The following MAF variants were observed in gnomAD, a reference collection of about 807,000 sequenced individuals.
The protein encoded by MAF is MAF bZIP transcription factor, also known as transcription factor Maf.
MAF carries 10 observed loss-of-function variants against 22.0 expected under a neutral mutation model. The ratio of observed to expected loss-of-function variants is 0.45; its 90% CI spans 0.28 to 0.77. The LOEUF is 0.77. MAF is among the 30% of genes least tolerant of loss of function. The pLI, the probability that MAF is intolerant of heterozygous loss-of-function variation, is 0.12. For synonymous variants in MAF, 337 were observed against 255.8 expected (o/e 1.32, Z -3.03); for missense variants, 544 against 548.4 (o/e 0.99, Z 0.08).
chr16:79,305,369 C>T, the MAF span, among the ~76,000 whole-genome samples: 2 of 152,204 alleles, frequency 1.3e-5, no homozygotes, highest in South Asian at 4.1e-4. Flanking sequence ...TGCTCCAGTC[C>T]CAACCTACTT....
the MAF span, among the ~76,000 whole-genome samples, chr16:79,370,770 T>C: frequency 6.6e-6 from 1 of 152,184 alleles, no homozygotes; most frequent in Non-Finnish European, 1.5e-5. Flanking sequence ...CCTACATAAC[T>C]GAAATAAACT....
At chr16:79,202,743 G>C in the MAF span, 2 of 152,238 alleles carry the variant, frequency 1.3e-5, no homozygotes, top group East Asian at 1.9e-4. Context: ...AAATTGCCTA[G>C]AATAGCAGCA....
chr16:79,259,908 A>C, the MAF span, among the ~76,000 whole-genome samples: 1 of 152,096 alleles, frequency 6.6e-6, no homozygotes, highest in African/African-American at 2.4e-5. Context: ...TGGAAAACCA[A>C]AGGTGATGTG....
the MAF span, among the ~76,000 whole-genome samples, chr16:79,472,699 G>A: frequency 5.3e-5 from 8 of 152,136 alleles, no homozygotes; most frequent in African/African-American, 1.7e-4. Flanking sequence ...AGAGTAGGGC[G>A]ATGGTTGTAC....
chr16:79,327,943 GC>G, the MAF span, among the ~76,000 whole-genome samples: 1 of 152,178 alleles, frequency 6.6e-6, no homozygotes, highest in African/African-American at 2.4e-5. Context: ...AGACTTACGT[GC>G]AAACCTTAGC....
chr16:79,484,104 A>G, the MAF span, among the ~76,000 whole-genome samples: 1 of 152,176 alleles, frequency 6.6e-6, no homozygotes, highest in East Asian at 1.9e-4. Flanking sequence ...ATGGCACAGC[A>G]CCCCTTGATG....
At chr16:79,250,485 T>G in the MAF span, among the ~76,000 whole-genome samples, 4 of 152,260 alleles carry the variant, frequency 2.6e-5, no homozygotes, top group Non-Finnish European at 4.4e-5. Context: ...AAATAAACTC[T>G]ATGGTTGCTC....
At chr16:79,396,733 C>A in the MAF span, among the ~76,000 whole-genome samples, 1 of 152,246 alleles carries the variant, frequency 6.6e-6, no homozygotes, top group Non-Finnish European at 1.5e-5. Flanking sequence ...TTCAAACACA[C>A]TGATGCCTGC....
chr16:79,393,058 A>G, the MAF span, among the ~76,000 whole-genome samples: 1 of 152,188 alleles, frequency 6.6e-6, no homozygotes, highest in Non-Finnish European at 1.5e-5. Flanking sequence ...TCTGGGCCCC[A>G]GGGGTAAAAC....
the MAF span, among the ~76,000 whole-genome samples, chr16:79,579,980 GT>G: frequency 3.3e-5 from 5 of 151,920 alleles, no homozygotes; most frequent in Admixed American, 1.3e-4. Context: ...GCGATGGCAT[GT>G]TTTTTTTATT....
the MAF span, among the ~76,000 whole-genome samples, chr16:79,272,870 A>G: frequency 1.3e-5 from 2 of 152,050 alleles, no homozygotes; most frequent in Non-Finnish European, 2.9e-5. Context: ...ACTCCTAACA[A>G]TTGGCTTTTG....
chr16:79,225,746 G>A, the MAF span, among the ~76,000 whole-genome samples: 1 of 152,160 alleles, frequency 6.6e-6, no homozygotes, highest in Non-Finnish European at 1.5e-5. Flanking sequence ...CTCAAAAGAA[G>A]ACATTTATAC....
chr16:79,541,346 C>T, the MAF span, among the ~76,000 whole-genome samples: 1 of 152,122 alleles, frequency 6.6e-6, no homozygotes, highest in African/African-American at 2.4e-5. Context: ...TGCACCTGTT[C>T]GTGCAGAAAA....
At chr16:79,236,551 T>C in the MAF span, among the ~76,000 whole-genome samples, 11,021 of 152,040 alleles carry the variant, frequency 0.072, 583 homozygotes, top group Middle Eastern at 0.15. Flanking sequence ...TTTCAAAACA[T>C]AAAGTACATC....
At chr16:79,237,449 C>T in the MAF span, among the ~76,000 whole-genome samples, 1 of 152,108 alleles carries the variant, frequency 6.6e-6, no homozygotes, top group African/African-American at 2.4e-5. Context: ...TAAGCACACA[C>T]TTTGCAAATA....
At chr16:79,376,804 G>A in the MAF span, among the ~76,000 whole-genome samples, 6 of 152,258 alleles carry the variant, frequency 3.9e-5, no homozygotes, top group Middle Eastern at 6.8e-3. Flanking sequence ...ACAGTTTGCC[G>A]AGAATGATGG....
At chr16:79,306,293 T>C in the MAF span, among the ~76,000 whole-genome samples, 1 of 152,218 alleles carries the variant, frequency 6.6e-6, no homozygotes, top group Non-Finnish European at 1.5e-5. Context: ...AAATCTCTGC[T>C]TCTCATGGCA....
At chr16:79,238,121 T>C in the MAF span, among the ~76,000 whole-genome samples, 1 of 152,128 alleles carries the variant, frequency 6.6e-6, no homozygotes, top group Non-Finnish European at 1.5e-5. Flanking sequence ...GGATCTTGAC[T>C]CTGACCCTTT....
chr16:79,248,168 C>CT, the MAF span, among the ~76,000 whole-genome samples: 476 of 142,578 alleles, frequency 3.3e-3, 1 homozygote, highest in Middle Eastern at 0.018. Context: ...ACTGGAATTA[C>CT]TTTTTTTTTT....
Sources: allele counts gnomAD v4.1 joint callset (sites outside exome capture counted in the v4.1 genomes callset), GRCh38; gene constraint gnomAD v4.1.1; transcripts MANE v1.5; gene names NCBI Gene and HGNC (gene_info 2026-07-23, HGNC 2026-07-21).